NRG3: variants seen among roughly 807,000 people sequenced by gnomAD.
The protein encoded by NRG3 is pro-neuregulin-3, membrane-bound isoform.
NRG3 carries 31 observed loss-of-function variants against 66.9 expected under a neutral mutation model. The ratio of observed to expected loss-of-function variants is 0.46; its 90% confidence interval spans 0.35 to 0.63. The LOEUF is 0.63. Ranked by LOEUF, NRG3 falls within the 20% of genes least tolerant of loss-of-function variation. The pLI is 0.00. For missense variants in NRG3, 910 were observed against 878.9 expected (o/e 1.04, Z -0.45); for synonymous variants, 393 against 359.4 (o/e 1.09, Z -1.06).
chr10:82,116,869 A>G (rs1418251010), intron 1 of NRG3, among the ~76,000 whole-genome samples: 2 of 151,952 alleles, frequency 1.3e-5, no homozygotes, highest in Non-Finnish European at 1.5e-5. Flanking sequence ...TTTCTTCGGT[A>G]CTCTTCTCCT....
chr10:82,305,400 A>C (rs1336186661), intron 1 of NRG3, among the ~76,000 whole-genome samples: 1 of 152,166 alleles, frequency 6.6e-6, no homozygotes, highest in East Asian at 1.9e-4. Flanking sequence ...TAAAATTTCC[A>C]TATGGGTTTT....
intron 2 of NRG3, among the ~76,000 whole-genome samples, chr10:82,388,881 A>C (rs1217766223): frequency 6.6e-6 from 1 of 152,144 alleles, no homozygotes; most frequent in East Asian, 1.9e-4. Context: ...AGTGTGTTAA[A>C]ATAAATATTT....
At chr10:82,062,657 G>A (rs1416374284) in intron 1 of NRG3, among the ~76,000 whole-genome samples, 2 of 151,946 alleles carry the variant, frequency 1.3e-5, no homozygotes, top group African/African-American at 2.4e-5. Flanking sequence ...CTGGCTCCCA[G>A]GCAATGGGAT....
chr10:82,396,823 G>A (rs748679339), intron 2 of NRG3, among the ~76,000 whole-genome samples: 2 of 152,078 alleles, frequency 1.3e-5, no homozygotes, highest in African/African-American at 4.8e-5. Flanking sequence ...GTGTGCATGT[G>A]GTTAAACTAT....
chr10:82,109,983 A>G lies in NRG3; in HGVS notation c.823+233820A>G, dbSNP rs140912450. On this transcript the variant is annotated intron_variant, in intron 1 of 8. Coordinates refer to ENST00000372141, the MANE Select transcript of NRG3 (RefSeq NM_001010848.4). ...TGAATTTAACTAATTTTTGGTGACAATATGCTAGGTAATGGAAAAGCAGTG... is the reference window on the plus strand; with the variant it reads ...TGAATTTAACTAATTTTTGGTGACAGTATGCTAGGTAATGGAAAAGCAGTG... Among the ~76,000 whole-genome samples, 1,359 of 152,226 alleles carry G rather than the reference A, an allele frequency of 8.9e-3. 10 individuals are homozygous for G. Among genetic ancestry groups the G allele is most frequent in the Non-Finnish European group, 0.016 (1,077 of 68,012 alleles).
rs369108655 is a variant in NRG3, at chr10:82,088,976, A to G, written c.823+212813A>G. Among the ~76,000 whole-genome samples, 4 of 152,220 alleles carry G rather than the reference A, an allele frequency of 2.6e-5. No individual in the cohort carries two copies. In the East Asian group the frequency reaches 5.8e-4, roughly 22 times the overall value. The stretch of plus-strand genomic sequence containing the variant: ...CCCTCCCTAGTGGGTGCTCAACTTA[A>G]AAACCAGCAGAGAAGATTTTTTTTT... On this transcript the variant is annotated intron_variant, in intron 1 of 8. Coordinates refer to ENST00000372141, the MANE Select transcript of NRG3 (RefSeq NM_001010848.4).
At chr10:82,649,603 A>G (rs2051249776) in intron 2 of NRG3, among the ~76,000 whole-genome samples, 1 of 150,650 alleles carries the variant, frequency 6.6e-6, no homozygotes, top group Non-Finnish European at 1.5e-5. Context: ...ACAGGCACAC[A>G]CCACCACGCC....
At chr10:82,700,935 T>A (rs1263287540) in intron 2 of NRG3, among the ~76,000 whole-genome samples, 4 of 152,134 alleles carry the variant, frequency 2.6e-5, no homozygotes, top group Non-Finnish European at 5.9e-5. Flanking sequence ...ATGGTGAGGT[T>A]TTGAATCATA....
chr10:82,396,465 T>A lies in NRG3; in HGVS notation c.953+37597T>A, dbSNP rs537406381. ...TCATCTTTATTGACCAGTTCCCTTT[T>A]TCAATTGTCCATTTGATAAATGAGT... On this transcript the variant is annotated intron_variant, in intron 2 of 8. Coordinates refer to ENST00000372141, the MANE Select transcript of NRG3 (RefSeq NM_001010848.4). Among the ~76,000 whole-genome samples, 281 of 152,312 alleles carry A rather than the reference T, an allele frequency of 1.8e-3. 2 individuals carry two copies. Among genetic ancestry groups the A allele is most frequent in the African/African-American group, 6.6e-3 (273 of 41,570 alleles).
intron 6 of NRG3, among the ~76,000 whole-genome samples, chr10:82,971,848 T>C (rs1014824989): frequency 6.6e-6 from 1 of 152,196 alleles, no homozygotes; most frequent in Admixed American, 6.5e-5. Flanking sequence ...TCTTTCTTCC[T>C]TTTAAAATGC....
At chr10:82,636,759 C>A (rs1214696401) in intron 2 of NRG3, among the ~76,000 whole-genome samples, 1 of 151,650 alleles carries the variant, frequency 6.6e-6, no homozygotes, top group Non-Finnish European at 1.5e-5. Flanking sequence ...TGAGTATATA[C>A]CCAGAAGAGG....
intron 1 of NRG3, among the ~76,000 whole-genome samples, chr10:82,060,190 G>A (rs748499316): frequency 2.0e-5 from 3 of 152,180 alleles, no homozygotes; most frequent in African/African-American, 4.8e-5. Context: ...AGTCACTTAC[G>A]TGTCTGTATC....
chr10:82,582,096 T>C (rs1466730061), intron 2 of NRG3, among the ~76,000 whole-genome samples: 5 of 152,088 alleles, frequency 3.3e-5, no homozygotes, highest in African/African-American at 1.2e-4. Flanking sequence ...ATTCAGCATC[T>C]AGGCACTCAT....
intron 1 of NRG3, among the ~76,000 whole-genome samples, chr10:81,972,975 A>G (rs901449533): frequency 6.6e-6 from 1 of 152,082 alleles, no homozygotes; most frequent in Non-Finnish European, 1.5e-5. Flanking sequence ...ACATAGGTAA[A>G]CTTGTGTCAT....
At chr10:82,024,392 C>G (rs2062200401) in intron 1 of NRG3, among the ~76,000 whole-genome samples, 1 of 151,728 alleles carries the variant, frequency 6.6e-6, no homozygotes, top group Non-Finnish European at 1.5e-5. Context: ...TTTGGAAAAC[C>G]TTTATACAGT....
intron 1 of NRG3, among the ~76,000 whole-genome samples, chr10:82,054,587 C>T (rs1212460422): frequency 6.6e-6 from 1 of 151,914 alleles, no homozygotes; most frequent in Non-Finnish European, 1.5e-5. Context: ...ATGGTATTGG[C>T]ATGGGGAATG....
At chr10:82,535,761 A>G (rs1433568937) in intron 2 of NRG3, among the ~76,000 whole-genome samples, 2 of 152,214 alleles carry the variant, frequency 1.3e-5, no homozygotes, top group African/African-American at 4.8e-5. Context: ...GGAATTATTT[A>G]TATTTCAAGA....
At chr10:82,183,405 T>A (rs1262985465) in intron 1 of NRG3, among the ~76,000 whole-genome samples, 2 of 152,166 alleles carry the variant, frequency 1.3e-5, no homozygotes, top group East Asian at 3.9e-4. Context: ...TTAACTCATA[T>A]ATCTCCTTAG....
chr10:82,326,058 T>C (rs754121140), intron 1 of NRG3, among the ~76,000 whole-genome samples: 23 of 152,332 alleles, frequency 1.5e-4, no homozygotes, highest in Non-Finnish European at 3.2e-4. Context: ...CTTTACATTT[T>C]TTTGTAATGC....
Sources: allele counts gnomAD v4.1 joint callset (sites outside exome capture counted in the v4.1 genomes callset), GRCh38; gene constraint gnomAD v4.1.1; transcripts MANE v1.5; gene names NCBI Gene and HGNC (gene_info 2026-07-23, HGNC 2026-07-21).